Variants in RNF216 observed in about 807,000 individuals in gnomAD.
The protein encoded by RNF216 is E3 ubiquitin-protein ligase RNF216.
In RNF216, 72 loss-of-function variants were observed where a neutral mutation model predicts 110.8. The ratio of observed to expected loss-of-function variants is 0.65; its 90% CI spans 0.54 to 0.79. RNF216 has a LOEUF of 0.79. Among genes scored for constraint, RNF216 ranks in the 30% least tolerant of loss-of-function variants. The probability of loss-of-function intolerance (pLI) is 0.00; values close to 1 mark genes in which losing one functional copy is unlikely to be tolerated. For synonymous variants in RNF216, 495 were observed against 407.5 expected (o/e 1.21, Z -2.59); for missense variants, 1,342 against 1,141.2 (o/e 1.18, Z -2.54).
Position 5,760,981 on chromosome 7 carries a change from G to C in RNF216, c.67+22C>G, listed in dbSNP as rs1443958572. 2.6e-6 allele frequency: 4 copies of C among 1,533,496 alleles called. No homozygotes were observed. The East Asian group carries it at 9.2e-5, about 35-fold the overall frequency. 95.0% of individuals were successfully genotyped at this position (1,533,496 alleles called of 1,614,324 possible). A position where few individuals can be genotyped will look rare whatever the true frequency, so the allele number is the denominator to read the frequency against. On this transcript the variant is annotated intron_variant, in intron 2 of 16. Transcript: ENST00000389902. ...AAGAAAAAGCCACAGGGAAAGGGATGAAGTGAGAACAAACAACTTACCTTG... is the reference window on the plus strand; with the variant it reads ...AAGAAAAAGCCACAGGGAAAGGGATCAAGTGAGAACAAACAACTTACCTTG...
chr7:5,626,457 C>G (rs1055222720), intron 15 of RNF216, among the ~76,000 whole-genome samples: 1 of 147,620 alleles, frequency 6.8e-6, no homozygotes, highest in African/African-American at 2.5e-5. Flanking sequence ...AAAACCCCAA[C>G]AAATTAAGCG....
At chr7:5,643,514 G>C (rs530875475) in intron 14 of RNF216, among the ~76,000 whole-genome samples, 1 of 152,012 alleles carries the variant, frequency 6.6e-6, no homozygotes, top group Non-Finnish European at 1.5e-5. Context: ...GCCAGCGACA[G>C]CCCAGACTCC....
At chr7:5,690,209 C>A (rs923006119) in intron 13 of RNF216, among the ~76,000 whole-genome samples, 2 of 149,648 alleles carry the variant, frequency 1.3e-5, no homozygotes, top group African/African-American at 2.5e-5. Flanking sequence ...CACCTGTAAT[C>A]CCAGCTACTT....
intron 1 of RNF216, among the ~76,000 whole-genome samples, chr7:5,769,528 G>C (rs1163139999): frequency 1.3e-5 from 2 of 152,020 alleles, no homozygotes; most frequent in Non-Finnish European, 2.9e-5. Flanking sequence ...TTCAAGACCA[G>C]CCTGGGCAAC....
intron 13 of RNF216, among the ~76,000 whole-genome samples, chr7:5,677,007 C>T (rs1016263280): frequency 6.6e-6 from 1 of 152,192 alleles, no homozygotes; most frequent in Admixed American, 6.5e-5. Context: ...ACCCACCAAC[C>T]ACATGAAACG....
chr7:5,731,026 A>T (rs1362025129), intron 5 of RNF216, among the ~76,000 whole-genome samples: 1 of 152,242 alleles, frequency 6.6e-6, no homozygotes, highest in African/African-American at 2.4e-5. Flanking sequence ...AAAAAATTTA[A>T]AAAGCAATGA....
intron 11 of RNF216, among the ~76,000 whole-genome samples, 158 bp from the exon 12 acceptor site, chr7:5,713,021 A>G (rs1379979846): frequency 6.6e-6 from 1 of 152,262 alleles, no homozygotes; most frequent in Non-Finnish European, 1.5e-5. Context: ...GGAAACCATG[A>G]AACAAAAATC....
intron 13 of RNF216, among the ~76,000 whole-genome samples, chr7:5,685,926 G>A (rs1047350914): frequency 1.2e-4 from 19 of 152,134 alleles, no homozygotes; most frequent in Admixed American, 9.8e-4. Context: ...TGTAGAAAAC[G>A]ATGTAAAAAA....
chr7:5,632,852 A>C (rs1291909026), intron 15 of RNF216, among the ~76,000 whole-genome samples: 2 of 152,204 alleles, frequency 1.3e-5, no homozygotes, highest in African/African-American at 4.8e-5. Context: ...AGTGGGATCC[A>C]ATGAGTACCA....
At chr7:5,728,449 C>CT (rs1272186039) in intron 7 of RNF216, among the ~76,000 whole-genome samples, 1 of 151,914 alleles carries the variant, frequency 6.6e-6, no homozygotes, top group Non-Finnish European at 1.5e-5. Context: ...TGGTGAGCAC[C>CT]TACAGTCCCA....
chr7:5,745,299 AT>A (rs1794974196), intron 3 of RNF216, among the ~76,000 whole-genome samples: 1 of 152,208 alleles, frequency 6.6e-6, no homozygotes, highest in African/African-American at 2.4e-5. Flanking sequence ...TTCTAAAAAA[AT>A]TTTTTTAAGT....
chr7:5,645,810 G>A (rs1292180473), intron 14 of RNF216, among the ~76,000 whole-genome samples: 3 of 152,046 alleles, frequency 2.0e-5, no homozygotes. Context: ...GGCTGGTCTT[G>A]AACTCCTGAC....
chr7:5,746,911 T>C (rs773371606), intron 3 of RNF216, among the ~76,000 whole-genome samples: 1 of 152,228 alleles, frequency 6.6e-6, no homozygotes, highest in Non-Finnish European at 1.5e-5. Context: ...AGATTCTTAC[T>C]GGCATTCAGA....
At chr7:5,742,584 ATCT>A (rs900742831) in intron 3 of RNF216, among the ~76,000 whole-genome samples, 2 of 137,172 alleles carry the variant, frequency 1.5e-5, no homozygotes, top group African/African-American at 5.6e-5. Flanking sequence ...ATGGTGAAAA[ATCT>A]TTTTTTTTTT....
chr7:5,770,815 T>C (rs576598185), intron 1 of RNF216, among the ~76,000 whole-genome samples: 4 of 151,898 alleles, frequency 2.6e-5, no homozygotes, highest in Admixed American at 6.6e-5. Flanking sequence ...TTTTTTTTTT[T>C]CTTTCCCCCC....
At chr7:5,632,248 T>A (rs773724510) in intron 15 of RNF216, among the ~76,000 whole-genome samples, 4 of 152,362 alleles carry the variant, frequency 2.6e-5, no homozygotes. Context: ...CACAGATCCA[T>A]GACAGACCAT....
chr7:5,777,211 GACA>G (rs1796834199), intron 1 of RNF216, among the ~76,000 whole-genome samples: 1 of 152,150 alleles, frequency 6.6e-6, no homozygotes, highest in Non-Finnish European at 1.5e-5. Flanking sequence ...CACCTCTGCT[GACA>G]ACATGTCGAC....
At chr7:5,635,534 C>T (rs542313270) in intron 15 of RNF216, among the ~76,000 whole-genome samples, 3 of 152,208 alleles carry the variant, frequency 2.0e-5, no homozygotes, top group East Asian at 3.9e-4. Flanking sequence ...CTTTCACAGC[C>T]TTCCTCCCTA....
At chr7:5,768,449 C>T (rs1796323902) in intron 1 of RNF216, among the ~76,000 whole-genome samples, 1 of 148,284 alleles carries the variant, frequency 6.7e-6, no homozygotes, top group South Asian at 2.1e-4. Context: ...GCTGGATAGA[C>T]TTGAACAGTA....
Sources: gnomAD v4.1 joint callset for allele counts (sites outside exome capture counted in the v4.1 genomes callset) on GRCh38, gnomAD v4.1.1 for gene constraint, MANE v1.5 for transcripts, NCBI Gene and HGNC (gene_info 2026-07-23, HGNC 2026-07-21) for gene names.